The following CAMK1D variants were observed in gnomAD, a reference collection of about 807,000 sequenced individuals.
The protein encoded by CAMK1D is calcium/calmodulin dependent protein kinase ID, also known as calcium/calmodulin-dependent protein kinase type 1D.
Under a neutral mutation model 47.7 loss-of-function variants are expected in CAMK1D, and 9 were observed. The ratio of observed to expected loss-of-function variants is 0.19; its 90% confidence interval spans 0.11 to 0.33. The LOEUF is 0.33. Among genes scored for constraint, CAMK1D ranks in the 10% least tolerant of loss-of-function variants. The probability of loss-of-function intolerance (pLI) is 1.00; values close to 1 mark genes in which losing one functional copy is unlikely to be tolerated. For synonymous variants in CAMK1D, 184 were observed against 184.9 expected (o/e 0.99, Z 0.04); for missense variants, 291 against 488.7 (o/e 0.60, Z 3.81).
At chr10:12,702,821 T>C (rs1283868644) in intron 3 of CAMK1D, among the ~76,000 whole-genome samples, 1 of 152,206 alleles carries the variant, frequency 6.6e-6, no homozygotes, top group African/African-American at 2.4e-5. Flanking sequence ...TTGTCCCATT[T>C]TGGTACTTCC....
At chr10:12,694,489 T>C (rs1833163453) in intron 3 of CAMK1D, among the ~76,000 whole-genome samples, 3 of 127,216 alleles carry the variant, frequency 2.4e-5, no homozygotes, top group Admixed American at 9.5e-5. Context: ...ATATATGATA[T>C]ATAACATAAA....
intron 3 of CAMK1D, among the ~76,000 whole-genome samples, chr10:12,758,177 A>G (rs879406585): frequency 8.6e-5 from 13 of 151,760 alleles, no homozygotes; most frequent in Non-Finnish European, 1.8e-4. Flanking sequence ...TCTAAACCTA[A>G]TCACCTCCCA....
At chr10:12,498,691 T>G (rs1834612353) in intron 1 of CAMK1D, among the ~76,000 whole-genome samples, 1 of 151,844 alleles carries the variant, frequency 6.6e-6, no homozygotes, top group South Asian at 2.1e-4. Context: ...GGGAGTTGGG[T>G]TGTGGGGAGT....
rs1390110876 is a variant in CAMK1D at position 12,829,000 on chromosome 10, T to A, written c.*113T>A. On this transcript the variant is annotated 3_prime_UTR_variant, in exon 11 of 11. Transcript: ENST00000619168. ...ACCTTGCATGGTGCCCCTTCCTGCATAGGACTGGAAGACCGAAGTTTTTTT... is the reference window on the plus strand; with the variant it reads ...ACCTTGCATGGTGCCCCTTCCTGCAAAGGACTGGAAGACCGAAGTTTTTTT... The A allele has an allele frequency of 2.8e-6, 2 of 720,714 alleles. No individual in the cohort carries two copies. The highest frequency in any genetic ancestry group is 4.5e-6 in the Non-Finnish European group (2 of 447,968). 44.6% of individuals were successfully genotyped at this position (720,714 alleles called of 1,614,324 possible). A position where few individuals can be genotyped will look rare whatever the true frequency, so the allele number is the denominator to read the frequency against.
At chr10:12,771,964 G>A (rs1288837614) in intron 5 of CAMK1D, among the ~76,000 whole-genome samples, 4 of 152,132 alleles carry the variant, frequency 2.6e-5, no homozygotes, top group Admixed American at 2.0e-4. Flanking sequence ...AACCTGGGGG[G>A]CGGAAGTTGC....
chr10:12,734,996 G>GT (rs1246955773), intron 3 of CAMK1D, among the ~76,000 whole-genome samples: 1 of 152,190 alleles, frequency 6.6e-6, no homozygotes, highest in Non-Finnish European at 1.5e-5. Context: ...TGCAGTGGAG[G>GT]TGTGATTCCA....
chr10:12,768,806 CCCCTG>C lies in CAMK1D; in HGVS notation c.439-865_439-861del, dbSNP rs756269517. Among the ~76,000 whole-genome samples, 4 of 152,308 alleles carry C rather than the reference CCCCTG, an allele frequency of 2.6e-5. No homozygotes were observed. In the East Asian group the frequency reaches 7.7e-4, roughly 29 times the overall value. On this transcript the variant is annotated intron_variant, in intron 4 of 10. Coordinates refer to ENST00000619168, the MANE Select transcript of CAMK1D (RefSeq NM_153498.4). Reference sequence around the variant, plus strand: ...AGCTTCTCAGCCTCCATAAGACCCACCCCTGCTTCCTTGCTAGGAACAATGAGATT... The same window carrying C: ...AGCTTCTCAGCCTCCATAAGACCCACCTTCCTTGCTAGGAACAATGAGATT...
At chr10:12,392,327 CA>C (rs1476929694) in intron 1 of CAMK1D, among the ~76,000 whole-genome samples, 1 of 151,766 alleles carries the variant, frequency 6.6e-6, no homozygotes, top group Non-Finnish European at 1.5e-5. Flanking sequence ...AATCAAAAAT[CA>C]AAAACAAAAA....
chr10:12,724,990 C>G (rs1834556118), intron 3 of CAMK1D, among the ~76,000 whole-genome samples: 1 of 152,198 alleles, frequency 6.6e-6, no homozygotes, highest in Non-Finnish European at 1.5e-5. Flanking sequence ...AACCACATCT[C>G]TTTCAACAAT....
intron 1 of CAMK1D, among the ~76,000 whole-genome samples, chr10:12,365,043 G>T (rs891422998): frequency 7.9e-5 from 12 of 151,338 alleles, no homozygotes; most frequent in Non-Finnish European, 1.6e-4. Context: ...TGGAACCTCT[G>T]CCTCCCAGGT....
chr10:12,652,718 A>G (rs561435499), intron 2 of CAMK1D, among the ~76,000 whole-genome samples: 6 of 152,346 alleles, frequency 3.9e-5, no homozygotes, highest in African/African-American at 1.4e-4. Flanking sequence ...TTGAGTTGAC[A>G]TCCTTGATCA....
At chr10:12,806,457 GCT>G (rs1386797021) in intron 6 of CAMK1D, among the ~76,000 whole-genome samples, 1 of 152,200 alleles carries the variant, frequency 6.6e-6, no homozygotes, top group Non-Finnish European at 1.5e-5. Context: ...CTGTCAGACT[GCT>G]CTCTCTTCCC....
At chr10:12,483,773 G>A (rs1032603582) in intron 1 of CAMK1D, among the ~76,000 whole-genome samples, 4 of 151,842 alleles carry the variant, frequency 2.6e-5, no homozygotes, top group Non-Finnish European at 5.9e-5. Context: ...TACAACCGCC[G>A]CCTCCCAGGT....
At chr10:12,512,862 G>A (rs1835081088) in intron 1 of CAMK1D, among the ~76,000 whole-genome samples, 1 of 152,178 alleles carries the variant, frequency 6.6e-6, no homozygotes, top group African/African-American at 2.4e-5. Context: ...AAAGCAAGCC[G>A]ACCACATGGG....
intron 6 of CAMK1D, among the ~76,000 whole-genome samples, chr10:12,809,456 G>T (rs1434376375): frequency 6.6e-6 from 1 of 152,204 alleles, no homozygotes; most frequent in Non-Finnish European, 1.5e-5. Flanking sequence ...GTTCATAGCA[G>T]CCTTATTCAC....
chr10:12,479,901 C>T (rs528870867), intron 1 of CAMK1D, among the ~76,000 whole-genome samples: 1 of 152,306 alleles, frequency 6.6e-6, no homozygotes, highest in East Asian at 1.9e-4. Flanking sequence ...ACTGTGTCCA[C>T]AGTTCTCAAC....
intron 1 of CAMK1D, among the ~76,000 whole-genome samples, chr10:12,436,259 G>A (rs1588483371): frequency 6.6e-6 from 1 of 152,194 alleles, no homozygotes; most frequent in African/African-American, 2.4e-5. Context: ...CCCTGGGCCA[G>A]CCTGGGCATC....
chr10:12,698,544 G>A (rs10795977), intron 3 of CAMK1D, among the ~76,000 whole-genome samples: 77,092 of 151,920 alleles, frequency 0.51, 19,739 homozygotes, highest in Non-Finnish European at 0.53. Context: ...CATCAAGGTC[G>A]GGAGACTTGT....
chr10:12,498,104 G>A (rs746326206), intron 1 of CAMK1D, among the ~76,000 whole-genome samples: 12 of 152,166 alleles, frequency 7.9e-5, no homozygotes, highest in African/African-American at 1.4e-4. Context: ...ACCTCCCATC[G>A]GGTCCCTCCC....
Sources: gnomAD v4.1 joint callset for allele counts (sites outside exome capture counted in the v4.1 genomes callset) on GRCh38, gnomAD v4.1.1 for gene constraint, MANE v1.5 for transcripts, NCBI Gene and HGNC (gene_info 2026-07-23, HGNC 2026-07-21) for gene names.